CNTN5: variants seen among roughly 807,000 people sequenced by gnomAD.
CNTN5 encodes the protein contactin 5, also known as contactin-5.
A neutral mutation model predicts 129.1 loss-of-function variants in CNTN5; 77 were observed. That is an observed-to-expected ratio of 0.60 (90% CI 0.50 to 0.72). CNTN5 has a LOEUF of 0.72. CNTN5 is among the 30% of genes least tolerant of loss of function. The pLI, the probability that CNTN5 is intolerant of heterozygous loss-of-function variation, is 0.00. For synonymous variants in CNTN5, 509 were observed against 465.6 expected (o/e 1.09, Z -1.20); for missense variants, 1,478 against 1,328.8 (o/e 1.11, Z -1.75).
At chr11:99,803,748 G>A (rs1293143518) in intron 3 of CNTN5, among the ~76,000 whole-genome samples, 2 of 152,184 alleles carry the variant, frequency 1.3e-5, no homozygotes, top group African/African-American at 4.8e-5. Context: ...ATCACAGAGG[G>A]TGGCTGTATG....
intron 1 of CNTN5, among the ~76,000 whole-genome samples, chr11:99,040,309 T>G (rs1240824549): frequency 6.6e-6 from 1 of 152,126 alleles, no homozygotes; most frequent in Non-Finnish European, 1.5e-5. Context: ...CCATGAAAAC[T>G]CTCAAAAACT....
rs191265168 is a variant in CNTN5 at position 100,187,173 on chromosome 11, T to A, written c.1581-3953T>A. 7.2e-5 allele frequency among the ~76,000 whole-genome samples: 11 copies of A among 152,294 alleles called. 1 individual carries two copies. The highest frequency in any genetic ancestry group is 2.4e-4 in the African/African-American group (10 of 41,566). On this transcript the variant is annotated intron_variant, in intron 13 of 24. Transcript: ENST00000524871. ...TTTGCAGCTATTGTAAATGGGATTA[T>A]GTTCTTCATTTCACTCTTGCTTGTT...
intron 3 of CNTN5, among the ~76,000 whole-genome samples, chr11:99,791,520 G>A (rs1279710698): frequency 1.3e-5 from 2 of 151,968 alleles, no homozygotes; most frequent in African/African-American, 4.8e-5. Flanking sequence ...ATTTATAACA[G>A]TAGCATGCTG....
intron 3 of CNTN5, among the ~76,000 whole-genome samples, chr11:99,729,366 C>T (rs950219605): frequency 9.9e-5 from 15 of 152,008 alleles, no homozygotes; most frequent in East Asian, 3.9e-4. Flanking sequence ...ACTCATGTCA[C>T]GGGGGTTCGT....
intron 3 of CNTN5, among the ~76,000 whole-genome samples, chr11:99,608,355 A>T (rs879688536): frequency 2.0e-5 from 3 of 152,130 alleles, no homozygotes; most frequent in Non-Finnish European, 2.9e-5. Flanking sequence ...AAACAGTAAG[A>T]TTAGACTAGG....
chr11:100,187,191 T>C (rs1395491909), intron 13 of CNTN5, among the ~76,000 whole-genome samples: 1 of 152,198 alleles, frequency 6.6e-6, no homozygotes, highest in African/African-American at 2.4e-5. Context: ...ATTTCACTCT[T>C]GCTTGTTGTG....
chr11:100,256,779 C>T (rs539513228), intron 17 of CNTN5, among the ~76,000 whole-genome samples: 15 of 152,200 alleles, frequency 9.9e-5, no homozygotes, highest in African/African-American at 3.1e-4. Flanking sequence ...CCAGATACTA[C>T]ACTTTTCTCA....
chr11:99,878,621 G>A (rs929858772), intron 6 of CNTN5, among the ~76,000 whole-genome samples: 1 of 152,068 alleles, frequency 6.6e-6, no homozygotes, highest in African/African-American at 2.4e-5. Context: ...ACTTTCAGAG[G>A]CCCAGGCAGG....
At chr11:100,083,188 A>T (rs919171765) in intron 13 of CNTN5, among the ~76,000 whole-genome samples, 3 of 151,758 alleles carry the variant, frequency 2.0e-5, no homozygotes, top group Non-Finnish European at 4.4e-5. Context: ...GTGGTGGTGC[A>T]TTCCTGTAAT....
chr11:99,358,601 T>C (rs1490065160), intron 2 of CNTN5, among the ~76,000 whole-genome samples: 1 of 152,046 alleles, frequency 6.6e-6, no homozygotes, highest in Non-Finnish European at 1.5e-5. Flanking sequence ...ATTCTTAATT[T>C]ACTATGAGTT....
intron 21 of CNTN5, among the ~76,000 whole-genome samples, chr11:100,338,364 T>A (rs1351273659): frequency 6.6e-6 from 1 of 152,150 alleles, no homozygotes; most frequent in Non-Finnish European, 1.5e-5. Flanking sequence ...CCAATTAAAC[T>A]TCTCACTGGC....
chr11:99,270,916 G>A (rs1045066889), intron 1 of CNTN5, among the ~76,000 whole-genome samples: 8 of 151,926 alleles, frequency 5.3e-5, no homozygotes, highest in Non-Finnish European at 1.2e-4. Flanking sequence ...TTTCCTGTGT[G>A]TTATTTAGAT....
chr11:99,043,117 T>C (rs1864069946), intron 1 of CNTN5, among the ~76,000 whole-genome samples: 1 of 152,334 alleles, frequency 6.6e-6, no homozygotes, highest in African/African-American at 2.4e-5. Flanking sequence ...AATATGTTTT[T>C]TAAACAACAT....
chr11:99,848,963 T>C (rs1947788212), intron 6 of CNTN5, among the ~76,000 whole-genome samples: 2 of 152,194 alleles, frequency 1.3e-5, no homozygotes, highest in Non-Finnish European at 2.9e-5. Flanking sequence ...ACTTTCTAAA[T>C]CTTCACCTTT....
chr11:99,613,752 T>G (rs555611109), intron 3 of CNTN5, among the ~76,000 whole-genome samples: 1 of 152,334 alleles, frequency 6.6e-6, no homozygotes, highest in Admixed American at 6.5e-5. Context: ...TAATAGATAC[T>G]TGCATTTGTG....
At chr11:99,677,138 A>C (rs1051282544) in intron 3 of CNTN5, among the ~76,000 whole-genome samples, 3 of 152,184 alleles carry the variant, frequency 2.0e-5, no homozygotes, top group African/African-American at 7.2e-5. Context: ...ACAATAATTG[A>C]TACTAATCCA....
rs150323216 is a variant in CNTN5 at position 99,753,848 on chromosome 11, C to A, written c.56-65696C>A. Among the ~76,000 whole-genome samples, 157 of 151,204 alleles carry A rather than the reference C, an allele frequency of 1.0e-3. 1 individual carries two copies. The highest frequency in any genetic ancestry group is 3.5e-3 in the African/African-American group (144 of 41,270). On this transcript the variant is annotated intron_variant, in intron 3 of 24. Coordinates refer to ENST00000524871, the MANE Select transcript of CNTN5 (RefSeq NM_014361.4). ...GATTACAGGTGTGTGCCACCACACCCAACTAATTTTTGTATTTTTAGTAGA... is the reference window on the plus strand; with the variant it reads ...GATTACAGGTGTGTGCCACCACACCAAACTAATTTTTGTATTTTTAGTAGA...
intron 2 of CNTN5, among the ~76,000 whole-genome samples, chr11:99,496,504 A>G (rs2135368376): frequency 6.6e-6 from 1 of 152,338 alleles, no homozygotes. Context: ...ATACAGTTCA[A>G]CTGTCAGGTC....
At chr11:99,756,294 G>T (rs550771850) in intron 3 of CNTN5, among the ~76,000 whole-genome samples, 1 of 152,158 alleles carries the variant, frequency 6.6e-6, no homozygotes, top group Non-Finnish European at 1.5e-5. Context: ...GGTTTCTTTA[G>T]TAAGATCTCT....
Sources: gnomAD v4.1 joint callset for allele counts (sites outside exome capture counted in the v4.1 genomes callset) on GRCh38, gnomAD v4.1.1 for gene constraint, MANE v1.5 for transcripts, NCBI Gene and HGNC (gene_info 2026-07-23, HGNC 2026-07-21) for gene names.